Variants in CSMD3 observed in about 807,000 individuals in gnomAD.
The protein encoded by CSMD3 is CUB and Sushi multiple domains 3.
Under a neutral mutation model 435.2 loss-of-function variants are expected in CSMD3, and 177 were observed. The observed-to-expected ratio is 0.41, with a 90% CI of 0.36 to 0.46. The LOEUF (loss-of-function observed/expected upper bound fraction) is 0.46, where lower values mean the gene tolerates loss of function less well. Among genes scored for constraint, CSMD3 ranks in the 20% least tolerant of loss-of-function variants. The probability of loss-of-function intolerance (pLI) is 0.34; values close to 1 mark genes in which losing one functional copy is unlikely to be tolerated. For missense variants in CSMD3, 4,265 were observed against 4,504.6 expected (o/e 0.95, Z 1.52); for synonymous variants, 1,656 against 1,520.5 (o/e 1.09, Z -2.07).
intron 2 of CSMD3, chr8:113,309,862 A>G (rs999365057): frequency 3.3e-5 from 5 of 152,216 alleles, no homozygotes; most frequent in African/African-American, 1.2e-4. Flanking sequence ...TTTCTAGAAT[A>G]CTGTTGACCA....
intron 10 of CSMD3, among the ~76,000 whole-genome samples, chr8:112,904,664 C>T (rs1031310322): frequency 5.0e-4 from 75 of 151,434 alleles, no homozygotes; most frequent in Non-Finnish European, 1.0e-3. Context: ...ATCAATGATG[C>T]CACCTCGGTT....
At chr8:112,405,538 T>C in intron 35 of CSMD3, among the ~76,000 whole-genome samples, 1 of 151,694 alleles carries the variant, frequency 6.6e-6, no homozygotes, top group Middle Eastern at 3.4e-3. Flanking sequence ...ACTATTAAGA[T>C]ATCCATAATT....
At chr8:112,739,556 T>G (rs188891721) in intron 13 of CSMD3, among the ~76,000 whole-genome samples, 74 of 151,814 alleles carry the variant, frequency 4.9e-4, no homozygotes, top group South Asian at 1.0e-3. Flanking sequence ...CTAACTATAC[T>G]AAAACCTATC....
intron 22 of CSMD3, among the ~76,000 whole-genome samples, chr8:112,602,113 T>C (rs1478907859): frequency 6.6e-6 from 1 of 152,152 alleles, no homozygotes; most frequent in Non-Finnish European, 1.5e-5. Flanking sequence ...AAGCCAAACA[T>C]TCTTAAATAT....
intron 27 of CSMD3, among the ~76,000 whole-genome samples, chr8:112,544,925 A>G (rs1563684209): frequency 6.6e-6 from 1 of 152,228 alleles, no homozygotes; most frequent in Admixed American, 6.5e-5. Context: ...GCATATTTCA[A>G]TGATAAAGTA....
At chr8:112,264,989 T>G (rs1816799535) in intron 60 of CSMD3, among the ~76,000 whole-genome samples, 1 of 151,982 alleles carries the variant, frequency 6.6e-6, no homozygotes, top group Non-Finnish European at 1.5e-5. Flanking sequence ...AAAATTACGG[T>G]TCTATAATTC....
chr8:112,255,756 T>A, intron 61 of CSMD3: 1 of 313,682 alleles, frequency 3.2e-6, no homozygotes, highest in Non-Finnish European at 6.0e-6. Flanking sequence ...CAAGGTGGAG[T>A]ATAGCCTTGA....
intron 24 of CSMD3, among the ~76,000 whole-genome samples, chr8:112,565,796 A>C (rs1023714044): frequency 9.2e-5 from 14 of 152,220 alleles, no homozygotes; most frequent in Middle Eastern, 3.4e-3. Context: ...TGTTAAAAAT[A>C]CTCAATTCCT....
chr8:112,654,543 A>G (rs547823821), intron 18 of CSMD3, among the ~76,000 whole-genome samples: 1 of 152,282 alleles, frequency 6.6e-6, no homozygotes, highest in South Asian at 2.1e-4. Flanking sequence ...TAGCCCTCGA[A>G]AATAACTTGG....
At chr8:112,376,859 T>C (rs1237021927) in intron 38 of CSMD3, among the ~76,000 whole-genome samples, 1 of 152,154 alleles carries the variant, frequency 6.6e-6, no homozygotes, top group Non-Finnish European at 1.5e-5. Context: ...CTCTAAAGGA[T>C]ATGGTAAACT....
At chr8:113,242,226 C>A (rs1005669128) in intron 3 of CSMD3, among the ~76,000 whole-genome samples, 3 of 151,820 alleles carry the variant, frequency 2.0e-5, no homozygotes, top group African/African-American at 7.2e-5. Flanking sequence ...AGTCTTGATT[C>A]TTAGGCACAT....
At chr8:112,583,604 A>G (rs1830494548) in intron 23 of CSMD3, among the ~76,000 whole-genome samples, 2 of 151,962 alleles carry the variant, frequency 1.3e-5, no homozygotes, top group African/African-American at 4.8e-5. Flanking sequence ...ACACAAGAAA[A>G]TTGTCACTTA....
intron 11 of CSMD3, among the ~76,000 whole-genome samples, chr8:112,832,024 T>C (rs778665871): frequency 2.0e-5 from 3 of 152,172 alleles, no homozygotes; most frequent in Non-Finnish European, 4.4e-5. Context: ...AGATTATTTA[T>C]AAGAAAAGTT....
chr8:112,412,892 C>G (rs1297740407), intron 32 of CSMD3, among the ~76,000 whole-genome samples: 1 of 151,992 alleles, frequency 6.6e-6, no homozygotes, highest in Admixed American at 6.6e-5. Context: ...TTTCTTTATT[C>G]CACCCATGAA....
intron 6 of CSMD3, among the ~76,000 whole-genome samples, chr8:113,012,468 C>G (rs1403488970): frequency 2.6e-5 from 4 of 151,816 alleles, no homozygotes; most frequent in Non-Finnish European, 4.4e-5. Context: ...GAGGGAAAGA[C>G]CTGTAATCCC....
intron 28 of CSMD3, among the ~76,000 whole-genome samples, chr8:112,509,872 T>A (rs1822919218): frequency 6.6e-6 from 1 of 152,224 alleles, no homozygotes; most frequent in African/African-American, 2.4e-5. Context: ...TTGGCTGAAC[T>A]CTAAACCATA....
rs535467447 is a variant in CSMD3 at position 112,919,258 on chromosome 8, G to A, written c.1633+2369C>T. On this transcript the variant is annotated intron_variant, in intron 10 of 70. Transcript: ENST00000297405. ...TTATATATATAACATAATGTATCTT[G>A]CAATCTAAAAAGTCCAATCATACAT... Among the ~76,000 whole-genome samples, 77 of 151,696 alleles carry A rather than the reference G, an allele frequency of 5.1e-4. 2 individuals are homozygous for A. In the South Asian group the frequency reaches 0.016, roughly 31 times the overall value.
intron 36 of CSMD3, among the ~76,000 whole-genome samples, chr8:112,385,702 T>C (rs1027187579): frequency 6.6e-6 from 1 of 152,188 alleles, no homozygotes; most frequent in African/African-American, 2.4e-5. Context: ...TATTAAATTT[T>C]GTGTGATTTG....
rs1176976462 is a variant in CSMD3, at chr8:112,313,922, G to A, written c.7680C>T (p.Phe2560=). ...TTTACATACCTATATATCTTATCCG[G>A]AAGCCTTTTTTGTTATTGCCATGAT... is the stretch of plus-strand genomic sequence containing the variant. ...SADHGNNKKG[F]RIRYIAFYCS... The change falls in exon 49 of 71, where the codon TTC becomes TTT. Residue 2560 remains phenylalanine (F), a synonymous_variant. Transcript: ENST00000297405. 6.2e-7 allele frequency: 1 copy of A among 1,611,530 alleles called. No homozygotes were observed. Among genetic ancestry groups the A allele is most frequent in the Non-Finnish European group, 8.5e-7 (1 of 1,178,100 alleles).
Sources: gnomAD v4.1 joint callset for allele counts (sites outside exome capture counted in the v4.1 genomes callset) on GRCh38, gnomAD v4.1.1 for gene constraint, MANE v1.5 for transcripts, NCBI Gene and HGNC (gene_info 2026-07-23, HGNC 2026-07-21) for gene names.